Variants in PLCE1 observed in about 807,000 individuals in gnomAD.
PLCE1 encodes the protein 1-phosphatidylinositol 4,5-bisphosphate phosphodiesterase epsilon-1.
Under a neutral mutation model 242.8 loss-of-function variants are expected in PLCE1, and 119 were observed. The ratio of observed to expected loss-of-function variants is 0.49; its 90% CI spans 0.42 to 0.57. The LOEUF is 0.57. Ranked by LOEUF, PLCE1 falls within the 20% of genes least tolerant of loss-of-function variation. The pLI, the probability that PLCE1 is intolerant of heterozygous loss-of-function variation, is 0.00. For synonymous variants in PLCE1, 945 were observed against 1,017.4 expected (o/e 0.93, Z 1.35); for missense variants, 2,441 against 2,788.8 (o/e 0.88, Z 2.81).
chr10:94,210,439 AC>A (rs943969102), intron 4 of PLCE1, among the ~76,000 whole-genome samples: 5 of 151,688 alleles, frequency 3.3e-5, no homozygotes, highest in East Asian at 3.9e-4. Context: ...CTGTCAACAC[AC>A]CCCCGAAATT....
At chr10:94,268,196 G>T (rs1379338126) in intron 16 of PLCE1, among the ~76,000 whole-genome samples, 1 of 152,162 alleles carries the variant, frequency 6.6e-6, no homozygotes, top group Non-Finnish European at 1.5e-5. Flanking sequence ...CAGCTCATCT[G>T]ATTCTTTGGT....
chr10:94,130,769 G>C (rs969272417), intron 2 of PLCE1, among the ~76,000 whole-genome samples: 1 of 152,214 alleles, frequency 6.6e-6, no homozygotes, highest in Admixed American at 6.5e-5. Flanking sequence ...GGTCTACACA[G>C]TTTGAATATC....
At chr10:94,138,257 T>C in intron 3 of PLCE1, 1 of 331,118 alleles carries the variant, frequency 3.0e-6, no homozygotes, top group Non-Finnish European at 5.9e-6. Flanking sequence ...ACCTTGATAT[T>C]CCACAGTGCA....
At chr10:93,998,723 T>C (rs1215028553) in intron 1 of PLCE1, among the ~76,000 whole-genome samples, 2 of 152,170 alleles carry the variant, frequency 1.3e-5, no homozygotes, top group African/African-American at 4.8e-5. Flanking sequence ...GTGTTAGGTT[T>C]TGGGGAGGTG....
At chr10:94,316,494 AT>A (rs2053577784) in intron 28 of PLCE1, 52 bp from the exon 29 acceptor site, 2 of 1,142,718 alleles carry the variant, frequency 1.8e-6, no homozygotes, top group Non-Finnish European at 2.6e-6. Context: ...ATGAAAGTTG[AT>A]TTGTTTTAAG....
chr10:94,175,553 G>C (rs1018545579), intron 4 of PLCE1, among the ~76,000 whole-genome samples: 1 of 151,952 alleles, frequency 6.6e-6, no homozygotes, highest in Admixed American at 6.6e-5. Flanking sequence ...GTACTGATCC[G>C]TTGTATTAAA....
chr10:94,273,444 T>C (rs2051824052), intron 18 of PLCE1, 118 bp from the exon 19 acceptor site: 1 of 1,028,252 alleles, frequency 9.7e-7, no homozygotes, highest in South Asian at 1.4e-5. Context: ...TTCCTCTTCC[T>C]AAGACTTTTT....
At chr10:94,327,148 G>A (rs1057156429) in intron 32 of PLCE1, among the ~76,000 whole-genome samples, 8 of 152,138 alleles carry the variant, frequency 5.3e-5, no homozygotes, top group East Asian at 1.9e-4. Flanking sequence ...GCGACAGAGC[G>A]AGACTCCGTC....
At chr10:94,251,743 A>T (rs996361438) in intron 8 of PLCE1, among the ~76,000 whole-genome samples, 3 of 152,072 alleles carry the variant, frequency 2.0e-5, no homozygotes, top group African/African-American at 7.2e-5. Context: ...TCTGAGTCCC[A>T]TGGGCTCCCT....
At position 94,325,102 on chromosome 10, in the gene PLCE1, C is replaced by T. The variant is rs200616060; in HGVS notation, c.*22C>T. 1.2e-6 allele frequency: 2 copies of T among 1,607,140 alleles called. No homozygotes were observed. The highest frequency in any genetic ancestry group is 3.3e-5 in the Admixed American group (2 of 60,004). On this transcript the variant is annotated splice_region_variant and 3_prime_UTR_variant, in exon 32 of 33. Coordinates refer to ENST00000371380, the MANE Select transcript of PLCE1 (RefSeq NM_016341.4). ...GTGACTAAGGGCAGCATGTTTAACC[C>T]AGGTATAGTAAGTCATTGCACCATC...
chr10:94,140,479 G>A (rs991160510), intron 3 of PLCE1, among the ~76,000 whole-genome samples: 4 of 152,082 alleles, frequency 2.6e-5, no homozygotes, highest in East Asian at 1.9e-4. Flanking sequence ...GGAGGAGGAG[G>A]TTGCAGTGAG....
At chr10:94,224,386 G>T (rs1460311387) in intron 4 of PLCE1, among the ~76,000 whole-genome samples, 1 of 152,166 alleles carries the variant, frequency 6.6e-6, no homozygotes, top group Non-Finnish European at 1.5e-5. Context: ...CCTCTCCAGG[G>T]GGAGGTGAGT....
chr10:94,008,582 T>G (rs1826633723), intron 1 of PLCE1, among the ~76,000 whole-genome samples: 1 of 152,224 alleles, frequency 6.6e-6, no homozygotes, highest in African/African-American at 2.4e-5. Flanking sequence ...GTGCTGGGAT[T>G]ACAAGCTTAA....
chr10:94,038,780 A>C (rs527633978), intron 2 of PLCE1, among the ~76,000 whole-genome samples: 1 of 152,284 alleles, frequency 6.6e-6, no homozygotes, highest in African/African-American at 2.4e-5. Flanking sequence ...CAGTGGTTTT[A>C]AATATGTTCA....
chr10:94,130,558 C>A (rs2046568705), intron 2 of PLCE1, among the ~76,000 whole-genome samples: 1 of 152,170 alleles, frequency 6.6e-6, no homozygotes, highest in Admixed American at 6.5e-5. Context: ...AGCTCTCTAT[C>A]TGGTGAAGGT....
chr10:94,126,597 G>A (rs61886302), intron 2 of PLCE1, among the ~76,000 whole-genome samples: 5,560 of 152,240 alleles, frequency 0.037, 166 homozygotes, highest in Non-Finnish European at 0.056. Context: ...AGCAAGTGTG[G>A]ATGCCATGTT....
intron 3 of PLCE1, among the ~76,000 whole-genome samples, chr10:94,141,670 G>GAAGGT (rs367685465): frequency 9.4e-6 from 1 of 106,818 alleles, no homozygotes; most frequent in Non-Finnish European, 1.8e-5. Context: ...GGGAGGGAGG[G>GAAGGT]AGGAAAGAAA....
chr10:94,087,226 T>G lies in PLCE1; in HGVS notation c.1207-44948T>G, dbSNP rs567993686. On this transcript the variant is annotated intron_variant, in intron 2 of 32. Coordinates refer to ENST00000371380, the MANE Select transcript of PLCE1 (RefSeq NM_016341.4). ...TTAGCCAGGTGTGGTGGCTTGCACC[T>G]GTGGTCCTAGCTACTCAGGAGGCTG... is the stretch of plus-strand genomic sequence containing the variant. Among the ~76,000 whole-genome samples, 5 of 151,500 alleles carry G rather than the reference T, an allele frequency of 3.3e-5. No individual in the cohort carries two copies. The South Asian group carries it at 1.0e-3, about 32-fold the overall frequency.
At chr10:94,215,404 A>G (rs564300764) in intron 4 of PLCE1, among the ~76,000 whole-genome samples, 58 of 152,348 alleles carry the variant, frequency 3.8e-4, no homozygotes, top group Non-Finnish European at 6.6e-4. Context: ...AAGGAGCTCC[A>G]TCTGCAGTGG....
Sources: gnomAD v4.1 joint callset for allele counts (sites outside exome capture counted in the v4.1 genomes callset) on GRCh38, gnomAD v4.1.1 for gene constraint, MANE v1.5 for transcripts, NCBI Gene and HGNC (gene_info 2026-07-23, HGNC 2026-07-21) for gene names.